The following SPON1 variants were observed in gnomAD, a reference collection of about 807,000 sequenced individuals.
SPON1 encodes the protein spondin-1.
SPON1 carries 52 observed loss-of-function variants against 111.7 expected under a neutral mutation model. The ratio of observed to expected loss-of-function variants is 0.47; its 90% CI spans 0.37 to 0.59. SPON1 has a LOEUF of 0.59. SPON1 is among the 20% of genes least tolerant of loss of function. The pLI, the probability that SPON1 is intolerant of heterozygous loss-of-function variation, is 0.00. For missense variants in SPON1, 957 were observed against 1,068.5 expected, an observed-to-expected ratio of 0.90 and a Z score of 1.46; for synonymous variants, 410 against 395.8, an observed-to-expected ratio of 1.04 and a Z score of -0.43.
chr11:14,262,651 G>A, intron 14 of SPON1, 61 bp from the exon 15 acceptor site: 1 of 1,597,164 alleles, frequency 6.3e-7, no homozygotes. Context: ...GTTCAAAGGA[G>A]AGCGTGACCA....
intron 6 of SPON1, among the ~76,000 whole-genome samples, chr11:14,137,218 G>A (rs781792502): frequency 1.3e-5 from 2 of 152,108 alleles, no homozygotes; most frequent in Non-Finnish European, 1.5e-5. Context: ...ACATGTCATA[G>A]CAATAAAAAG....
intron 2 of SPON1, among the ~76,000 whole-genome samples, chr11:14,025,867 G>A (rs564610592): frequency 6.6e-6 from 1 of 152,178 alleles, no homozygotes; most frequent in East Asian, 1.9e-4. Flanking sequence ...CATAGTCCGT[G>A]GTCAGAGACA....
At chr11:14,172,051 A>G (rs1331576472) in intron 6 of SPON1, among the ~76,000 whole-genome samples, 15 of 152,072 alleles carry the variant, frequency 9.9e-5, no homozygotes, top group Non-Finnish European at 1.6e-4. Context: ...TATCCTTGTT[A>G]ACTTTCTGTC....
At chr11:14,143,322 G>A (rs183328620) in intron 6 of SPON1, among the ~76,000 whole-genome samples, 296 of 152,288 alleles carry the variant, frequency 1.9e-3, no homozygotes, top group Non-Finnish European at 3.0e-3. Context: ...AGTATTTTGG[G>A]AGGCTGAGGT....
At chr11:14,033,660 GA>G (rs1848574529) in intron 2 of SPON1, among the ~76,000 whole-genome samples, 1 of 152,172 alleles carries the variant, frequency 6.6e-6, no homozygotes, top group African/African-American at 2.4e-5. Flanking sequence ...TGCATTCAAT[GA>G]AAAGTTTTAG....
At chr11:14,189,631 T>A (rs1396968959) in intron 6 of SPON1, among the ~76,000 whole-genome samples, 1 of 152,308 alleles carries the variant, frequency 6.6e-6, no homozygotes, top group East Asian at 1.9e-4. Context: ...TTCCCGATTG[T>A]CTCCAACGCA....
At position 14,220,709 on chromosome 11, in the gene SPON1, C is replaced by A. The variant is rs1402300155; in HGVS notation, c.826-22623C>A. Among the ~76,000 whole-genome samples, 4 of 152,148 alleles carry A rather than the reference C, an allele frequency of 2.6e-5. No individual in the cohort carries two copies. In the East Asian group the frequency reaches 7.7e-4, roughly 29 times the overall value. ...TCTGTCATTTAAATATGAGGGTGAG[C>A]TGATGGCTGAATTGGATTCTTAGGA... On this transcript the variant is annotated intron_variant, in intron 6 of 15. Transcript: ENST00000576479.
intron 14 of SPON1, among the ~76,000 whole-genome samples, chr11:14,261,751 A>G (rs1358397618): frequency 6.6e-6 from 1 of 152,142 alleles, no homozygotes; most frequent in East Asian, 1.9e-4. Flanking sequence ...TCTGACTTAG[A>G]GTGCCTGGGG....
chr11:13,999,806 T>G (rs1848302294), intron 2 of SPON1, among the ~76,000 whole-genome samples: 1 of 152,174 alleles, frequency 6.6e-6, no homozygotes, highest in Admixed American at 6.5e-5. Context: ...GCCAAGTTAC[T>G]TTGTCTTGGT....
intron 2 of SPON1, among the ~76,000 whole-genome samples, chr11:13,985,269 A>C (rs995573158): frequency 2.6e-4 from 39 of 152,210 alleles, no homozygotes; most frequent in African/African-American, 9.2e-4. Flanking sequence ...CACCAGCCCT[A>C]GAGGGATCAA....
chr11:14,214,408 C>G (rs1848606205), intron 6 of SPON1, among the ~76,000 whole-genome samples: 1 of 152,162 alleles, frequency 6.6e-6, no homozygotes, highest in African/African-American at 2.4e-5. Context: ...ACAGCTGGCT[C>G]CTTACCAGAA....
chr11:14,177,214 G>T (rs1848187208), intron 6 of SPON1, among the ~76,000 whole-genome samples: 1 of 152,122 alleles, frequency 6.6e-6, no homozygotes, highest in South Asian at 2.1e-4. Flanking sequence ...CTAATTTTTT[G>T]TATTTTTAGT....
chr11:14,208,890 AGTACT>A, intron 6 of SPON1, among the ~76,000 whole-genome samples: 1 of 152,332 alleles, frequency 6.6e-6, no homozygotes, highest in Non-Finnish European at 1.5e-5. Flanking sequence ...TAGAATTTAT[AGTACT>A]GTAGTACTAG....
At chr11:13,984,245 C>T (rs1480594169) in intron 2 of SPON1, among the ~76,000 whole-genome samples, 1 of 152,120 alleles carries the variant, frequency 6.6e-6, no homozygotes, top group Non-Finnish European at 1.5e-5. Context: ...GAACTATTAT[C>T]CCCATTTTTG....
intron 3 of SPON1, among the ~76,000 whole-genome samples, chr11:14,056,593 A>C (rs1848746149): frequency 6.6e-6 from 1 of 152,200 alleles, no homozygotes; most frequent in South Asian, 2.1e-4. Flanking sequence ...AGGGAAAATC[A>C]ACATTAAAAT....
chr11:13,966,770 C>T (rs534223386), intron 1 of SPON1, among the ~76,000 whole-genome samples: 52 of 152,260 alleles, frequency 3.4e-4, no homozygotes, highest in Non-Finnish European at 6.0e-4. Flanking sequence ...TTCAGGTCCT[C>T]CTTGGTCACA....
chr11:14,091,430 G>A (rs1554923360), intron 5 of SPON1, among the ~76,000 whole-genome samples: 1 of 152,226 alleles, frequency 6.6e-6, no homozygotes, highest in African/African-American at 2.4e-5. Flanking sequence ...GGAGTGGGTG[G>A]GAGGCTCAGG....
chr11:13,999,652 CCA>C (rs1199245452), intron 2 of SPON1, among the ~76,000 whole-genome samples: 1 of 152,080 alleles, frequency 6.6e-6, no homozygotes, highest in Middle Eastern at 3.2e-3. Flanking sequence ...GGTGATCTGC[CCA>C]CCTCAGCCTC....
intron 5 of SPON1, among the ~76,000 whole-genome samples, chr11:14,094,939 T>C (rs1419821963): frequency 6.6e-6 from 1 of 152,138 alleles, no homozygotes; most frequent in Non-Finnish European, 1.5e-5. Flanking sequence ...AGAAAATTGG[T>C]ATATTTCACA....
Sources: allele counts gnomAD v4.1 joint callset (sites outside exome capture counted in the v4.1 genomes callset), GRCh38; gene constraint gnomAD v4.1.1; transcripts MANE v1.5; gene names NCBI Gene and HGNC (gene_info 2026-07-23, HGNC 2026-07-21).